BMPR2: variants seen among roughly 807,000 people sequenced by gnomAD.
BMPR2 encodes bone morphogenetic protein receptor type-2.
Under a neutral mutation model 100.8 loss-of-function variants are expected in BMPR2, and 29 were observed. The observed-to-expected ratio is 0.29, with a 90% CI of 0.21 to 0.39. The LOEUF (loss-of-function observed/expected upper bound fraction) is 0.39, where lower values mean the gene tolerates loss of function less well. Among genes scored for constraint, BMPR2 ranks in the 10% least tolerant of loss-of-function variants. BMPR2 has a pLI of 1.00. For missense variants in BMPR2, 1,011 were observed against 1,274.5 expected (o/e 0.79, Z 3.15); for synonymous variants, 382 against 442.3 (o/e 0.86, Z 1.71).
intron 1 of BMPR2, among the ~76,000 whole-genome samples, chr2:202,448,742 C>T (rs1298333073): frequency 6.6e-6 from 1 of 151,914 alleles, no homozygotes; most frequent in Non-Finnish European, 1.5e-5. Flanking sequence ...AGGCATGAGC[C>T]ACCGCGCCCG....
At chr2:202,396,582 TA>T (rs1690660274) in intron 1 of BMPR2, among the ~76,000 whole-genome samples, 1 of 152,098 alleles carries the variant, frequency 6.6e-6, no homozygotes, top group South Asian at 2.1e-4. Flanking sequence ...AAAAGTCAGG[TA>T]AGAGGAAACA....
chr2:202,418,827 T>G (rs911364490), intron 1 of BMPR2, among the ~76,000 whole-genome samples: 6 of 152,214 alleles, frequency 3.9e-5, no homozygotes, highest in Non-Finnish European at 7.3e-5. Context: ...GCCAGACTGT[T>G]AGTGGATTCT....
intron 12 of BMPR2, among the ~76,000 whole-genome samples, chr2:202,556,926 T>C (rs1334484232): frequency 1.4e-5 from 2 of 144,426 alleles, no homozygotes; most frequent in African/African-American, 2.6e-5. Context: ...CTCTAAAAAA[T>C]ACAAAAATTA....
Position 202,514,894 on chromosome 2 carries a change from G to C in BMPR2, c.536G>C (p.Arg179Pro). The change falls in exon 5 of 13, where the codon CGT becomes CCT. Residue 179 changes from arginine to proline, a missense_variant. Coordinates refer to ENST00000374580, the MANE Select transcript of BMPR2 (RefSeq NM_001204.7). ...CFGYRMLTGD[R>P]KQGLHSMNMM... ...CTGTTTCCTGTTCTTATAGGAGACC[G>C]TAAACAAGGTCTTCACAGTATGAAC... 6.2e-7 allele frequency: 1 copy of C among 1,613,294 alleles called. No individual in the cohort carries two copies. Among genetic ancestry groups the C allele is most frequent in the Non-Finnish European group, 8.5e-7 (1 of 1,179,346 alleles).
chr2:202,530,746 C>A, intron 7 of BMPR2, 48 bp from the exon 8 acceptor site: 2 of 1,489,038 alleles, frequency 1.3e-6, no homozygotes, highest in Non-Finnish European at 1.9e-6. Flanking sequence ...ATTTCATGTT[C>A]AATAGTCCCT....
At chr2:202,525,486 C>T (rs1411798010) in intron 7 of BMPR2, among the ~76,000 whole-genome samples, 3 of 152,154 alleles carry the variant, frequency 2.0e-5, no homozygotes, top group Non-Finnish European at 4.4e-5. Context: ...CATGAGCCAG[C>T]GCACCTGGCT....
At chr2:202,472,845 A>G (rs1440081148) in intron 3 of BMPR2, among the ~76,000 whole-genome samples, 1 of 152,216 alleles carries the variant, frequency 6.6e-6, no homozygotes, top group Non-Finnish European at 1.5e-5. Context: ...TGTTTTAAGT[A>G]AAGCGCTCTA....
At chr2:202,496,607 C>T (rs1264459748) in intron 3 of BMPR2, among the ~76,000 whole-genome samples, 3 of 152,194 alleles carry the variant, frequency 2.0e-5, no homozygotes, top group African/African-American at 7.2e-5. Context: ...ATTGAAAATC[C>T]ACATGCAAAT....
chr2:202,487,047 AT>A (rs1376292112), intron 3 of BMPR2, among the ~76,000 whole-genome samples: 1 of 151,602 alleles, frequency 6.6e-6, no homozygotes, highest in Admixed American at 6.6e-5. Context: ...ATTATAATTG[AT>A]TTCCCCATTT....
intron 1 of BMPR2, among the ~76,000 whole-genome samples, chr2:202,460,321 T>TA (rs1175028974): frequency 6.6e-6 from 1 of 152,096 alleles, no homozygotes; most frequent in Non-Finnish European, 1.5e-5. Context: ...TATGCAGCCA[T>TA]AAAAAAGAAT....
chr2:202,555,943 T>G lies in BMPR2; in HGVS notation c.2278T>G (p.Leu760Val). ...NLPKRPTSLP[L>V]NTKNSTKEPR... ...TCCCAAGAGACCTACTAGTTTGCCT[T>G]TGAACACCAAAAATTCAACAAAAGA... is the stretch of plus-strand genomic sequence containing the variant. The change falls in exon 12 of 13, where the codon TTG becomes GTG. Residue 760 changes from leucine to valine, a missense_variant. Leu to Val is a conservative substitution (Grantham distance 32, BLOSUM62 1). Transcript: ENST00000374580. 1 of 1,614,142 alleles carries G rather than the reference T, an allele frequency of 6.2e-7. No individual in the cohort carries two copies. Among genetic ancestry groups the G allele is most frequent in the Non-Finnish European group, 8.5e-7 (1 of 1,180,028 alleles).
chr2:202,379,128 T>C (rs1001063345), intron 1 of BMPR2, among the ~76,000 whole-genome samples: 19 of 152,246 alleles, frequency 1.2e-4, no homozygotes, highest in African/African-American at 4.1e-4. Flanking sequence ...GTCTTTTTTT[T>C]CTTTGGTATT....
At chr2:202,513,231 A>G (rs193247659) in intron 3 of BMPR2, among the ~76,000 whole-genome samples, 6 of 152,186 alleles carry the variant, frequency 3.9e-5, no homozygotes, top group Admixed American at 2.0e-4. Flanking sequence ...GCAGCCTCCC[A>G]AAGTGTTGGG....
intron 1 of BMPR2, among the ~76,000 whole-genome samples, chr2:202,462,369 C>T (rs746488661): frequency 2.6e-5 from 4 of 151,790 alleles, no homozygotes; most frequent in Non-Finnish European, 2.9e-5. Flanking sequence ...TACAGGCATG[C>T]GCCTGCATGC....
At chr2:202,518,127 CTTTTTTTTTTTTT>C (rs35869694) in intron 5 of BMPR2, among the ~76,000 whole-genome samples, 3 of 77,018 alleles carry the variant, frequency 3.9e-5, no homozygotes, top group Non-Finnish European at 7.4e-5. Flanking sequence ...CGCCTGGCCT[CTTTTTTTTTTTTT>C]TTTTTTTTTT....
chr2:202,551,158 G>A (rs1425510876), intron 10 of BMPR2, among the ~76,000 whole-genome samples: 2 of 151,574 alleles, frequency 1.3e-5, no homozygotes, highest in Non-Finnish European at 2.9e-5. Context: ...CCTAAGAGTA[G>A]GATGATTGAA....
intron 12 of BMPR2, among the ~76,000 whole-genome samples, chr2:202,558,036 AG>A: frequency 6.6e-6 from 1 of 152,290 alleles, no homozygotes; most frequent in East Asian, 1.9e-4. Flanking sequence ...AAGAAACTGT[AG>A]GCTAGGCACG....
chr2:202,381,195 A>G (rs1328667383), intron 1 of BMPR2, among the ~76,000 whole-genome samples: 4 of 151,502 alleles, frequency 2.6e-5, no homozygotes, highest in Non-Finnish European at 5.9e-5. Flanking sequence ...GGCTGATCTC[A>G]AACTCCTGAC....
At chr2:202,423,653 G>A (rs999253705) in intron 1 of BMPR2, among the ~76,000 whole-genome samples, 16 of 152,158 alleles carry the variant, frequency 1.1e-4, no homozygotes, top group Non-Finnish European at 8.8e-5. Flanking sequence ...TACTCAGGAC[G>A]CTGAGGCAGG....
Sources: allele counts gnomAD v4.1 joint callset (sites outside exome capture counted in the v4.1 genomes callset), GRCh38; gene constraint gnomAD v4.1.1; transcripts MANE v1.5; gene names NCBI Gene and HGNC (gene_info 2026-07-23, HGNC 2026-07-21).